PARD3B: variants seen among roughly 807,000 people sequenced by gnomAD.
PARD3B encodes the protein par-3 family cell polarity regulator beta, also known as partitioning defective 3 homolog B.
In PARD3B, 103 loss-of-function variants were observed where a neutral mutation model predicts 130.2. The ratio of observed to expected loss-of-function variants is 0.79; its 90% confidence interval spans 0.67 to 0.93. PARD3B has a LOEUF of 0.93. Among genes scored for constraint, PARD3B ranks in the 40% least tolerant of loss-of-function variants. The pLI, the probability that PARD3B is intolerant of heterozygous loss-of-function variation, is 0.00. For missense variants in PARD3B, 1,609 were observed against 1,499.2 expected (o/e 1.07, Z -1.21); for synonymous variants, 583 against 553.2 (o/e 1.05, Z -0.76).
At chr2:205,045,528 G>A (rs1484188320) in intron 3 of PARD3B, among the ~76,000 whole-genome samples, 5 of 151,922 alleles carry the variant, frequency 3.3e-5, no homozygotes, top group African/African-American at 1.2e-4. Flanking sequence ...GATTATAGGC[G>A]TGAGCCACTG....
chr2:205,014,352 T>A (rs540788612), intron 3 of PARD3B, among the ~76,000 whole-genome samples: 40 of 152,292 alleles, frequency 2.6e-4, no homozygotes, highest in African/African-American at 9.4e-4. Flanking sequence ...GACTGTCACA[T>A]GTACAGTTAT....
intron 2 of PARD3B, among the ~76,000 whole-genome samples, chr2:204,822,694 G>T (rs894336020): frequency 2.6e-5 from 4 of 152,094 alleles, no homozygotes; most frequent in Non-Finnish European, 5.9e-5. Flanking sequence ...AAGAAATGGG[G>T]AAAACAGCTC....
At chr2:204,773,714 T>C (rs767399054) in intron 2 of PARD3B, among the ~76,000 whole-genome samples, 1 of 152,146 alleles carries the variant, frequency 6.6e-6, no homozygotes, top group Non-Finnish European at 1.5e-5. Flanking sequence ...CCTTGGACAG[T>C]AATTGAAGCC....
chr2:204,726,557 C>T (rs1406289833), intron 2 of PARD3B, among the ~76,000 whole-genome samples: 1 of 152,180 alleles, frequency 6.6e-6, no homozygotes, highest in Non-Finnish European at 1.5e-5. Context: ...GCATCTCTAA[C>T]CTTTTACCTC....
chr2:204,868,300 T>G (rs921546420), intron 2 of PARD3B, among the ~76,000 whole-genome samples: 6 of 152,188 alleles, frequency 3.9e-5, no homozygotes, highest in African/African-American at 1.4e-4. Flanking sequence ...TTTATTTTAT[T>G]TAACCTTCAC....
chr2:205,216,678 A>G (rs1320186844), intron 15 of PARD3B, among the ~76,000 whole-genome samples: 1 of 152,146 alleles, frequency 6.6e-6, no homozygotes, highest in Non-Finnish European at 1.5e-5. Context: ...GGAAAGACAA[A>G]TAAGAATATT....
chr2:204,762,009 A>G (rs1319895257), intron 2 of PARD3B, among the ~76,000 whole-genome samples: 2 of 151,998 alleles, frequency 1.3e-5, no homozygotes, highest in South Asian at 2.1e-4. Context: ...ATATCTAAGG[A>G]AAATGTCTCT....
chr2:204,876,325 C>T (rs566840092), intron 2 of PARD3B, among the ~76,000 whole-genome samples: 1 of 152,278 alleles, frequency 6.6e-6, no homozygotes, highest in South Asian at 2.1e-4. Context: ...TGATGTATCT[C>T]TAGTTTAAAT....
chr2:204,962,716 A>T (rs1367241018), intron 2 of PARD3B, among the ~76,000 whole-genome samples: 1 of 152,192 alleles, frequency 6.6e-6, no homozygotes, highest in Non-Finnish European at 1.5e-5. Context: ...AACAAGCATT[A>T]AGTCTGTGTA....
chr2:204,568,487 G>A (rs1421229497), intron 1 of PARD3B, among the ~76,000 whole-genome samples: 1 of 152,144 alleles, frequency 6.6e-6, no homozygotes, highest in Middle Eastern at 3.2e-3. Flanking sequence ...TTTTAAGTCT[G>A]TTCTTAATCT....
chr2:205,556,386 A>G (rs2052887541), intron 22 of PARD3B, among the ~76,000 whole-genome samples: 1 of 152,112 alleles, frequency 6.6e-6, no homozygotes. Context: ...CAGCACATGG[A>G]GTAGGTGAGG....
intron 2 of PARD3B, among the ~76,000 whole-genome samples, chr2:204,696,545 G>A (rs531505683): frequency 1.3e-5 from 2 of 152,008 alleles, no homozygotes; most frequent in African/African-American, 4.8e-5. Context: ...ACTGATGTTT[G>A]TCACACTTTT....
At chr2:204,955,063 A>G (rs530534861) in intron 2 of PARD3B, among the ~76,000 whole-genome samples, 4 of 152,334 alleles carry the variant, frequency 2.6e-5, no homozygotes, top group Non-Finnish European at 4.4e-5. Context: ...TATGTTTGTT[A>G]TATTCATGAC....
intron 20 of PARD3B, among the ~76,000 whole-genome samples, chr2:205,497,058 T>C (rs2049953909): frequency 6.6e-6 from 1 of 152,076 alleles, no homozygotes; most frequent in Non-Finnish European, 1.5e-5. Flanking sequence ...CTGTGCTGCT[T>C]TTCCTGCCTG....
At chr2:204,567,622 A>T (rs1229589168) in intron 1 of PARD3B, among the ~76,000 whole-genome samples, 1 of 152,190 alleles carries the variant, frequency 6.6e-6, no homozygotes, top group Non-Finnish European at 1.5e-5. Flanking sequence ...CCATTGATGG[A>T]TGCTTGGTTC....
At chr2:205,599,633 AT>A (rs1439943909) in intron 22 of PARD3B, among the ~76,000 whole-genome samples, 1 of 152,160 alleles carries the variant, frequency 6.6e-6, no homozygotes, top group African/African-American at 2.4e-5. Context: ...GAGAGCTTCA[AT>A]TTCGACCATT....
intron 15 of PARD3B, among the ~76,000 whole-genome samples, chr2:205,200,754 G>GT (rs1280207331): frequency 6.6e-6 from 1 of 152,176 alleles, no homozygotes; most frequent in Non-Finnish European, 1.5e-5. Flanking sequence ...AAATAGAAAT[G>GT]TTTTTTCCTA....
chr2:205,581,436 A>AATATATATATAAATAT lies in PARD3B; in HGVS notation c.3260+28042_3260+28043insTAAATATATATATATA, dbSNP rs1491211642. Reference sequence around the variant, plus strand: ...ATATATAAATATATAAATATATATAAATATATATAAATATATATGACAGGA... The same window carrying AATATATATATAAATAT: ...ATATATAAATATATAAATATATATAAATATATATATAAATATATATATATAAATATATATGACAGGA... On this transcript the variant is annotated intron_variant, in intron 22 of 22. Coordinates refer to ENST00000406610, the MANE Select transcript of PARD3B (RefSeq NM_001302769.2). Among the ~76,000 whole-genome samples, 10 of 144,346 alleles carry AATATATATATAAATAT rather than the reference A, an allele frequency of 6.9e-5. 1 individual carries two copies. The highest frequency in any genetic ancestry group is 2.5e-4 in the African/African-American group (10 of 39,604). The allele number at this position is 144,346 out of a possible 152,430, so 94.7% of individuals were successfully genotyped here.
intron 21 of PARD3B, among the ~76,000 whole-genome samples, chr2:205,523,032 C>A (rs77088692): frequency 0.033 from 4,925 of 151,484 alleles, 171 homozygotes; most frequent in South Asian, 0.13. Flanking sequence ...TTAGGTCTAT[C>A]ACTTATTATA....
Sources: gnomAD v4.1 joint callset for allele counts (sites outside exome capture counted in the v4.1 genomes callset) on GRCh38, gnomAD v4.1.1 for gene constraint, MANE v1.5 for transcripts, NCBI Gene and HGNC (gene_info 2026-07-23, HGNC 2026-07-21) for gene names.